TEX22: variants seen among roughly 807,000 people sequenced by gnomAD.
TEX22 encodes testis expressed 22.
TEX22 carries 16 observed loss-of-function variants against 11.3 expected under a neutral mutation model. The observed-to-expected ratio is 1.42, with a 90% confidence interval of 0.96 to 2.15. The LOEUF (loss-of-function observed/expected upper bound fraction) is 2.15, where lower values mean the gene tolerates loss of function less well. Among genes scored for constraint, TEX22 ranks in the 30% most tolerant of loss-of-function variants. TEX22 has a pLI of 0.00. For missense variants in TEX22, 220 were observed against 208.6 expected (o/e 1.05, Z -0.34); for synonymous variants, 97 against 92.3 (o/e 1.05, Z -0.29).
At chr14:105,409,501 C>CTTTT (rs1232769820) in intron 2 of TEX22, among the ~76,000 whole-genome samples, 4 of 132,604 alleles carry the variant, frequency 3.0e-5, no homozygotes, top group African/African-American at 9.2e-5. Context: ...TCTTCTTCTT[C>CTTTT]TTTTTTTTTT....
chr14:105,402,290 A>G (rs1489107100), intron 2 of TEX22, among the ~76,000 whole-genome samples: 1 of 152,260 alleles, frequency 6.6e-6, no homozygotes, highest in Non-Finnish European at 1.5e-5. Context: ...TGCATCTAAT[A>G]TGTTACCTAC....
intron 2 of TEX22, among the ~76,000 whole-genome samples, chr14:105,410,482 G>C (rs1320068721): frequency 2.6e-5 from 4 of 152,110 alleles, no homozygotes; most frequent in African/African-American, 9.7e-5. Context: ...CCACATTTTC[G>C]CTATTGTGAA....
chr14:105,402,748 T>C (rs1555418539), intron 2 of TEX22, among the ~76,000 whole-genome samples: 1 of 130,628 alleles, frequency 7.7e-6, no homozygotes, highest in Admixed American at 8.1e-5. Flanking sequence ...AGAGCGAGAC[T>C]CCGTCTCAAA....
Position 105,411,733 on chromosome 14 carries a change from G to T in TEX22, c.353G>T (p.Arg118Met). 1 of 1,522,224 alleles carries T rather than the reference G, an allele frequency of 6.6e-7. No homozygotes were observed. Among genetic ancestry groups the T allele is most frequent in the Non-Finnish European group, 8.8e-7 (1 of 1,139,622 alleles). The allele number at this position is 1,522,224 out of a possible 1,614,324, so 94.3% of individuals were successfully genotyped here. Residue 118 changes from arginine to methionine, a missense_variant, in exon 4 of 4, where the codon AGG becomes ATG. Transcript: ENST00000451127. ...GACGTGCTCCTTCCCCACCCGCTGA[G>T]GTCCACCGAGTCCACCAACGCCTTC... is the stretch of plus-strand genomic sequence containing the variant. ...DKDVLLPHPL[R>M]STESTNAFQA...
In TEX22 at chr14:105,402,704, C is replaced by T. The variant is rs587669419; in HGVS notation, c.150+3214C>T. Reference sequence around the variant, plus strand: ...CCGGGAGGCGGAGCTTGCAGTGAGACGAGATTGCGCTACTGCACTCCAGCC... The same window carrying T: ...CCGGGAGGCGGAGCTTGCAGTGAGATGAGATTGCGCTACTGCACTCCAGCC... On this transcript the variant is annotated intron_variant, in intron 2 of 3. Coordinates refer to ENST00000451127, the MANE Select transcript of TEX22 (RefSeq NM_001195082.2). Among the ~76,000 whole-genome samples the T allele has an allele frequency of 2.5e-4, 37 of 145,754 alleles. No homozygotes were observed. In the East Asian group the frequency reaches 7.0e-3, roughly 28 times the overall value.
chr14:105,401,467 C>A (rs1566983626), intron 2 of TEX22, among the ~76,000 whole-genome samples: 1 of 151,068 alleles, frequency 6.6e-6, no homozygotes, highest in Admixed American at 6.6e-5. Flanking sequence ...TCATTCTCAG[C>A]AAACTATCGC....
chr14:105,405,976 A>G (rs1224080336), intron 2 of TEX22, among the ~76,000 whole-genome samples: 1 of 152,246 alleles, frequency 6.6e-6, no homozygotes, highest in Non-Finnish European at 1.5e-5. Flanking sequence ...CCCGGAAACC[A>G]ACCTGTGCAT....
Position 105,399,391 on chromosome 14 carries a change from C to T in TEX22, c.51C>T (p.Leu17=), listed in dbSNP as rs1555418130. 2.6e-6 allele frequency: 4 copies of T among 1,535,832 alleles called. No homozygotes were observed. Among genetic ancestry groups the T allele is most frequent in the East Asian group, 2.4e-5 (1 of 40,914 alleles). The stretch of plus-strand genomic sequence containing the variant: ...GGGGGAAGAAGCTGGAGTCGCACCT[C>T]TCCCAAGAGCACAGGCGGCCCCCAC... ...SPRGKKLESH[L]SQEHRRPPLG... The change falls in exon 2 of 4, where the codon CTC becomes CTT. Residue 17 remains leucine (L), a synonymous_variant. Coordinates refer to ENST00000451127, the MANE Select transcript of TEX22 (RefSeq NM_001195082.2).
chr14:105,404,776 C>G (rs1267209855), intron 2 of TEX22, among the ~76,000 whole-genome samples: 4 of 152,176 alleles, frequency 2.6e-5, no homozygotes, highest in African/African-American at 4.8e-5. Context: ...CCCCAGCACA[C>G]TCTCACCTCA....
chr14:105,402,685 G>A (rs1018721057), intron 2 of TEX22, among the ~76,000 whole-genome samples: 2 of 151,814 alleles, frequency 1.3e-5, no homozygotes, highest in East Asian at 1.9e-4. Flanking sequence ...GAACCCGGGA[G>A]GCGGAGCTTG....
At chr14:105,399,066 G>A (rs2081606622) in intron 1 of TEX22, among the ~76,000 whole-genome samples, 1 of 152,256 alleles carries the variant, frequency 6.6e-6, no homozygotes, top group African/African-American at 2.4e-5. Context: ...CAGGCTCCCG[G>A]GGTGGGGTCG....
chr14:105,411,285 C>A, intron 2 of TEX22, 83 bp from the exon 3 acceptor site: 1 of 1,222,168 alleles, frequency 8.2e-7, no homozygotes, highest in Non-Finnish European at 1.0e-6. Flanking sequence ...GGGGCGAGCT[C>A]TGAGGGTCGG....
At chr14:105,407,051 T>A (rs1555418930) in intron 2 of TEX22, among the ~76,000 whole-genome samples, 1 of 148,510 alleles carries the variant, frequency 6.7e-6, no homozygotes, top group Non-Finnish European at 1.5e-5. Context: ...TCAGCCACCA[T>A]GTCTGGCTAA....
In TEX22 at chr14:105,404,246, G is replaced by C. The variant is rs781825627; in HGVS notation, c.150+4756G>C. On this transcript the variant is annotated intron_variant, in intron 2 of 3. Coordinates refer to ENST00000451127, the MANE Select transcript of TEX22 (RefSeq NM_001195082.2). ...GGCAGGAGGCTCAGCTCCTTACCAC[G>C]TGGATCTCCCCATAGGACAGCTTCA... Among the ~76,000 whole-genome samples, 3 of 152,190 alleles carry C rather than the reference G, an allele frequency of 2.0e-5. No homozygotes were observed. In the East Asian group the frequency reaches 5.8e-4, roughly 29 times the overall value.
chr14:105,407,115 TGGA>T (rs1555418944), intron 2 of TEX22, among the ~76,000 whole-genome samples: 1 of 149,676 alleles, frequency 6.7e-6, no homozygotes, highest in African/African-American at 2.5e-5. Context: ...TCACCCAGGC[TGGA>T]GTGCAGTGGC....
chr14:105,402,615 G>T (rs1186485850), intron 2 of TEX22, among the ~76,000 whole-genome samples: 7 of 152,006 alleles, frequency 4.6e-5, no homozygotes, highest in Admixed American at 4.6e-4. Context: ...AATTAGCCGG[G>T]CGTGGTGGCG....
intron 2 of TEX22, among the ~76,000 whole-genome samples, chr14:105,408,422 T>G (rs1261967359): frequency 2.6e-5 from 4 of 151,642 alleles, no homozygotes; most frequent in African/African-American, 9.7e-5. Flanking sequence ...TTGTGTTTTG[T>G]TTGTTTGTTT....
At chr14:105,403,719 G>A (rs1171098149) in intron 2 of TEX22, among the ~76,000 whole-genome samples, 2 of 152,208 alleles carry the variant, frequency 1.3e-5, no homozygotes, top group Non-Finnish European at 2.9e-5. Flanking sequence ...ATTGCGCCCA[G>A]CCAGATTTAA....
At chr14:105,402,362 A>G (rs1555418438) in intron 2 of TEX22, among the ~76,000 whole-genome samples, 1 of 152,208 alleles carries the variant, frequency 6.6e-6, no homozygotes, top group African/African-American at 2.4e-5. Context: ...ATATGTGATC[A>G]CCATTCACAA....
Sources: allele counts gnomAD v4.1 joint callset (sites outside exome capture counted in the v4.1 genomes callset), GRCh38; gene constraint gnomAD v4.1.1; transcripts MANE v1.5; gene names NCBI Gene and HGNC (gene_info 2026-07-23, HGNC 2026-07-21).